The following NAA15 variants were observed in gnomAD, a reference collection of about 807,000 sequenced individuals.
NAA15 encodes the protein N-terminal acetyltransferase.
A neutral mutation model predicts 114.0 loss-of-function variants in NAA15; 34 were observed. That is an observed-to-expected ratio of 0.30 (90% confidence interval 0.23 to 0.40). NAA15 has a LOEUF of 0.40. Among genes scored for constraint, NAA15 ranks in the 10% least tolerant of loss-of-function variants. The probability of loss-of-function intolerance (pLI) is 1.00; values close to 1 mark genes in which losing one functional copy is unlikely to be tolerated. For missense variants in NAA15, 658 were observed against 1,004.5 expected, an observed-to-expected ratio of 0.66 and a Z score of 4.66; for synonymous variants, 340 against 338.0, an observed-to-expected ratio of 1.01 and a Z score of -0.06.
At chr4:139,369,846 C>G (rs977937010) in intron 14 of NAA15, among the ~76,000 whole-genome samples, 2 of 151,520 alleles carry the variant, frequency 1.3e-5, no homozygotes, top group African/African-American at 4.9e-5. Context: ...CTCTTGTTTC[C>G]TAGGCTGGAG....
intron 4 of NAA15, 90 bp from the exon 5 acceptor site, chr4:139,342,736 C>T (rs1237446949): frequency 2.7e-5 from 34 of 1,276,174 alleles, no homozygotes; most frequent in Non-Finnish European, 3.7e-5. Flanking sequence ...GCGTGAGCCA[C>T]TGCGCCTGGC....
chr4:139,329,649 C>T (rs1746933589), intron 1 of NAA15, among the ~76,000 whole-genome samples: 1 of 152,338 alleles, frequency 6.6e-6, no homozygotes, highest in East Asian at 1.9e-4. Context: ...CTCTTACTAC[C>T]ATGTGGGCTG....
chr4:139,373,224 C>T (rs996548039), intron 15 of NAA15, among the ~76,000 whole-genome samples: 4 of 152,150 alleles, frequency 2.6e-5, no homozygotes, highest in Non-Finnish European at 5.9e-5. Context: ...GGTGTATGTA[C>T]ACAAACCTAG....
intron 14 of NAA15, among the ~76,000 whole-genome samples, chr4:139,364,671 A>C (rs1332990753): frequency 4.6e-5 from 7 of 152,244 alleles, no homozygotes; most frequent in African/African-American, 1.7e-4. Context: ...ACATCAGTAC[A>C]CAGATAGGTT....
rs773285130 is a variant in NAA15 at position 139,315,006 on chromosome 4, T to TTTAGTTTAGGTTAGGTTAGG, written c.54+13179_54+13180insTTTAGGTTAGGTTAGGTTAG. Among the ~76,000 whole-genome samples the TTTAGTTTAGGTTAGGTTAGG allele has an allele frequency of 1.8e-3, 182 of 101,536 alleles. 11 individuals are homozygous for TTTAGTTTAGGTTAGGTTAGG. Among genetic ancestry groups the TTTAGTTTAGGTTAGGTTAGG allele is most frequent in the South Asian group, 5.0e-3 (16 of 3,200 alleles). The allele number at this position is 101,536 out of a possible 152,430, so 66.6% of individuals were successfully genotyped here. A position where few individuals can be genotyped will look rare whatever the true frequency, so the allele number is the denominator to read the frequency against. On this transcript the variant is annotated intron_variant, in intron 1 of 19. Coordinates refer to ENST00000296543, the MANE Select transcript of NAA15 (RefSeq NM_057175.5). ...AAGCGTTCAGTTCAGTTCAGTTTAG[T>TTTAGTTTAGGTTAGGTTAGG]TTAGGTTAGGTTAGGTTAGGTTAGG...
chr4:139,320,172 T>G (rs1451870180), intron 1 of NAA15, among the ~76,000 whole-genome samples: 1 of 152,166 alleles, frequency 6.6e-6, no homozygotes, highest in African/African-American at 2.4e-5. Context: ...GGATCTCACT[T>G]AAATCCTGTG....
chr4:139,358,787 A>G (rs933057806), intron 11 of NAA15, among the ~76,000 whole-genome samples: 1 of 152,232 alleles, frequency 6.6e-6, no homozygotes, highest in African/African-American at 2.4e-5. Flanking sequence ...AGATTTGGCT[A>G]TGCCTTTTAT....
At chr4:139,324,274 C>T (rs1254380895) in intron 1 of NAA15, among the ~76,000 whole-genome samples, 1 of 152,206 alleles carries the variant, frequency 6.6e-6, no homozygotes, top group African/African-American at 2.4e-5. Context: ...AAACAATAGC[C>T]TGCATTATTC....
chr4:139,309,426 AGTGTGTGTGTGT>A (rs70943412), intron 1 of NAA15, among the ~76,000 whole-genome samples: 1,586 of 143,626 alleles, frequency 0.011, 10 homozygotes, highest in Middle Eastern at 0.035. Context: ...TTGCTTTTTA[AGTGTGTGTGTGT>A]GTGTGTGTGT....
At chr4:139,347,018 C>G (rs1383459694) in intron 6 of NAA15, among the ~76,000 whole-genome samples, 4 of 152,078 alleles carry the variant, frequency 2.6e-5, no homozygotes, top group Non-Finnish European at 5.9e-5. Context: ...AATGATCCTC[C>G]CCCCAAACCC....
intron 16 of NAA15, among the ~76,000 whole-genome samples, chr4:139,377,366 G>T (rs768507647): frequency 6.6e-6 from 1 of 151,858 alleles, no homozygotes. Context: ...GAGAAACCCC[G>T]TCTCTACTAA....
intron 7 of NAA15, among the ~76,000 whole-genome samples, 166 bp from the exon 8 acceptor site, chr4:139,351,020 TGAAAA>T (rs1384286937): frequency 6.6e-6 from 1 of 152,106 alleles, no homozygotes; most frequent in African/African-American, 2.4e-5. Context: ...TAAAAAAAAT[TGAAAA>T]GAAATAGTCT....
chr4:139,322,686 T>C (rs1245873610), intron 1 of NAA15, among the ~76,000 whole-genome samples: 1 of 152,142 alleles, frequency 6.6e-6, no homozygotes, highest in Non-Finnish European at 1.5e-5. Flanking sequence ...TGTGAGTGTG[T>C]ATATGTGTGT....
Position 139,336,718 on chromosome 4 carries a change from G to T in NAA15, c.140-130G>T, listed in dbSNP as rs1747212595. On this transcript the variant is annotated intron_variant, in intron 2 of 19. Coordinates refer to ENST00000296543, the MANE Select transcript of NAA15 (RefSeq NM_057175.5). ...CTGCAAGAAAGTGGAAAGTATCTTA[G>T]TAATCTCCTTGACATTTTTAATTCT... 4 of 450,802 alleles carry T rather than the reference G, an allele frequency of 8.9e-6. No homozygotes were observed. In the East Asian group the frequency reaches 1.4e-4, roughly 16 times the overall value. The allele number at this position is 450,802 out of a possible 1,614,324, so 27.9% of individuals were successfully genotyped here.
At chr4:139,381,024 T>C (rs1748737750) in intron 17 of NAA15, among the ~76,000 whole-genome samples, 1 of 152,110 alleles carries the variant, frequency 6.6e-6, no homozygotes, top group Non-Finnish European at 1.5e-5. Context: ...TTCTGGAGAG[T>C]ATAGAGGAAA....
At position 139,386,163 on chromosome 4, in the gene NAA15, C is replaced by G; in HGVS notation, c.2333C>G (p.Ser778Cys). ...AAKMVYYLDP[S>C]SQKRAIELAT... ...AAAATGGTATATTACTTAGATCCTT[C>G]TAGTCAGAAGCGAGCTATAGAGTTG... Residue 778 changes from serine to cysteine, a missense_variant, in exon 19 of 20, where the codon TCT becomes TGT. Coordinates refer to ENST00000296543, the MANE Select transcript of NAA15 (RefSeq NM_057175.5). 3 of 1,609,016 alleles carry G rather than the reference C, an allele frequency of 1.9e-6. No individual in the cohort carries two copies. Among genetic ancestry groups the G allele is most frequent in the Non-Finnish European group, 2.5e-6 (3 of 1,177,408 alleles).
At chr4:139,346,650 A>G (rs985572299) in intron 6 of NAA15, among the ~76,000 whole-genome samples, 15 of 151,922 alleles carry the variant, frequency 9.9e-5, no homozygotes, top group African/African-American at 3.4e-4. Flanking sequence ...TCCCGGGTTC[A>G]AGCGATTCTG....
chr4:139,385,287 T>TATATATATATA (rs1748874333), intron 18 of NAA15, among the ~76,000 whole-genome samples: 2 of 95,782 alleles, frequency 2.1e-5, no homozygotes, highest in African/African-American at 8.0e-5. Context: ...ATATATAATA[T>TATATATATATA]ATATATATAT....
Position 139,373,627 on chromosome 4 carries a change from T to A in NAA15, c.1948-2738T>A, listed in dbSNP as rs183747860. On this transcript the variant is annotated intron_variant, in intron 15 of 19. Coordinates refer to ENST00000296543, the MANE Select transcript of NAA15 (RefSeq NM_057175.5). ...TTACCATGAGGCATTAGTTGGTATT[T>A]ATGAATTCCCTTTTGTACCACTCAT... 1.2e-4 allele frequency among the ~76,000 whole-genome samples: 18 copies of A among 152,216 alleles called. 1 individual carries two copies. The highest frequency in any genetic ancestry group is 1.2e-3 in the Admixed American group (18 of 15,296).
Sources: allele counts gnomAD v4.1 joint callset (sites outside exome capture counted in the v4.1 genomes callset), GRCh38; gene constraint gnomAD v4.1.1; transcripts MANE v1.5; gene names NCBI Gene and HGNC (gene_info 2026-07-23, HGNC 2026-07-21).